MYH11: variants seen among roughly 807,000 people sequenced by gnomAD.
MYH11 encodes the protein myosin heavy chain 11, also known as myosin-11.
A neutral mutation model predicts 246.6 loss-of-function variants in MYH11; 80 were observed. The observed-to-expected ratio is 0.32, with a 90% CI of 0.27 to 0.39. MYH11 has a LOEUF of 0.39. Among genes scored for constraint, MYH11 ranks in the 10% least tolerant of loss-of-function variants. The pLI is 1.00. For synonymous variants in MYH11, 1,071 were observed against 1,015.5 expected, an observed-to-expected ratio of 1.05 and a Z score of -1.04; for missense variants, 2,158 against 2,546.8, an observed-to-expected ratio of 0.85 and a Z score of 3.29.
chr16:15,732,924 G>C, intron 26 of MYH11: 1 of 605,170 alleles, frequency 1.7e-6, no homozygotes, highest in Non-Finnish European at 2.9e-6. Flanking sequence ...TAGGACATCT[G>C]TAATGACTGG....
chr16:15,842,256 T>C (rs979244628), intron 1 of MYH11, among the ~76,000 whole-genome samples: 2 of 151,948 alleles, frequency 1.3e-5, no homozygotes, highest in African/African-American at 4.8e-5. Flanking sequence ...CGTGGTAGCA[T>C]GCGCCTACAA....
At chr16:15,856,454 C>T (rs2044474259) in intron 1 of MYH11, among the ~76,000 whole-genome samples, 1 of 152,022 alleles carries the variant, frequency 6.6e-6, no homozygotes, top group Non-Finnish European at 1.5e-5. Flanking sequence ...CCTCACTTTG[C>T]CCTTCTGTGT....
rs956014647 is a variant in MYH11 at position 15,759,746 on chromosome 16, G to A, written c.1249-18C>T. 6.2e-7 allele frequency: 1 copy of A among 1,613,708 alleles called. No individual in the cohort carries two copies. Among genetic ancestry groups the A allele is most frequent in the Non-Finnish European group, 8.5e-7 (1 of 1,179,998 alleles). ...AAGTCAGCCTGCAGAGGGCAACCAG[G>A]GGAACCCGGTTATTCTCAATGGGCT... On this transcript the variant is annotated intron_variant, in intron 11 of 40. Transcript: ENST00000300036.
intron 3 of MYH11, among the ~76,000 whole-genome samples, chr16:15,803,340 G>C (rs1313309554): frequency 6.7e-6 from 1 of 149,706 alleles, no homozygotes; most frequent in Non-Finnish European, 1.5e-5. Context: ...GCAGTGGCTC[G>C]ATCTTGGCTC....
intron 3 of MYH11, among the ~76,000 whole-genome samples, chr16:15,802,946 G>T (rs936519550): frequency 1.3e-5 from 2 of 152,046 alleles, no homozygotes. Context: ...AGACCAGCCT[G>T]GGCAACATGG....
At chr16:15,790,884 T>C (rs1238678163) in intron 4 of MYH11, 1 of 152,162 alleles carries the variant, frequency 6.6e-6, no homozygotes, top group African/African-American at 2.4e-5. Context: ...CACCCTGTGC[T>C]TCATACTCTA....
intron 3 of MYH11, among the ~76,000 whole-genome samples, chr16:15,802,821 T>C (rs1596866197): frequency 6.6e-6 from 1 of 152,230 alleles, no homozygotes; most frequent in South Asian, 2.1e-4. Flanking sequence ...TCATCCTGGC[T>C]TGGAGTGAGA....
intron 3 of MYH11, among the ~76,000 whole-genome samples, chr16:15,817,846 C>G (rs2043300874): frequency 6.6e-6 from 1 of 152,164 alleles, no homozygotes; most frequent in African/African-American, 2.4e-5. Flanking sequence ...CATCCCTGCC[C>G]CCTTCTCTCA....
chr16:15,844,025 A>G (rs140342246), intron 1 of MYH11, among the ~76,000 whole-genome samples: 88 of 152,264 alleles, frequency 5.8e-4, no homozygotes, highest in African/African-American at 2.1e-3. Flanking sequence ...AGCTGACTAG[A>G]CATTATAAAC....
intron 1 of MYH11, among the ~76,000 whole-genome samples, chr16:15,848,994 G>A (rs182712382): frequency 1.3e-5 from 2 of 152,308 alleles, no homozygotes; most frequent in Admixed American, 6.5e-5. Flanking sequence ...TCCAAGGGCT[G>A]AAAGGACATC....
At chr16:15,721,671 T>A in intron 31 of MYH11, 37 bp from the exon 32 acceptor site, 1 of 1,609,304 alleles carries the variant, frequency 6.2e-7, no homozygotes, top group Non-Finnish European at 8.5e-7. Context: ...TCTAGGCATA[T>A]CCGGGGTCAG....
chr16:15,730,369 TAAAA>T (rs746923275), intron 27 of MYH11, among the ~76,000 whole-genome samples: 1,071 of 97,208 alleles, frequency 0.011, 14 homozygotes, highest in African/African-American at 0.035. Flanking sequence ...CCATCTCTAC[TAAAA>T]AAAAAAAAAA....
At chr16:15,774,130 T>C (rs1569301) in intron 8 of MYH11, among the ~76,000 whole-genome samples, 101,946 of 152,110 alleles carry the variant, frequency 0.67, 34,129 homozygotes, top group South Asian at 0.72. Context: ...TTAAATTGAC[T>C]GAAGGCACCA....
At chr16:15,741,182 A>C (rs955919731) in intron 22 of MYH11, 3 of 581,240 alleles carry the variant, frequency 5.2e-6, no homozygotes, top group African/African-American at 3.7e-5. Flanking sequence ...ATGTTTTGTT[A>C]TGTAGCAATA....
intron 9 of MYH11, among the ~76,000 whole-genome samples, chr16:15,767,025 C>T (rs141946907): frequency 5.9e-5 from 9 of 152,148 alleles, no homozygotes; most frequent in African/African-American, 1.7e-4. Context: ...ATCCTAGTTC[C>T]GGGTCCAGAT....
intron 31 of MYH11, among the ~76,000 whole-genome samples, chr16:15,722,775 C>T (rs1000129877): frequency 3.7e-4 from 56 of 152,192 alleles, no homozygotes; most frequent in African/African-American, 1.3e-3. Context: ...GGTTTTCACT[C>T]CATCACTCAG....
chr16:15,732,052 C>T lies in MYH11; in HGVS notation c.3651+512G>A, dbSNP rs151014519. ...TCTCTGCTCACTGCAACCTCTGCCTCCTGGGTTCAAGTGATTCTCCTGCCT... is the reference window on the plus strand; with the variant it reads ...TCTCTGCTCACTGCAACCTCTGCCTTCTGGGTTCAAGTGATTCTCCTGCCT... On this transcript the variant is annotated intron_variant, in intron 27 of 40. Transcript: ENST00000300036. Among the ~76,000 whole-genome samples the T allele has an allele frequency of 8.8e-3, 1,339 of 152,226 alleles. 19 individuals are homozygous for T. Among genetic ancestry groups the T allele is most frequent in the African/African-American group, 0.031 (1,301 of 41,528 alleles).
chr16:15,823,438 C>T (rs1299664015), intron 2 of MYH11, 27 bp from the exon 3 acceptor site: 1 of 1,614,136 alleles, frequency 6.2e-7, no homozygotes, highest in Non-Finnish European at 8.5e-7. Flanking sequence ...CAGCTTACTT[C>T]CAGACCTCCT....
At chr16:15,767,705 C>A (rs1040687414) in intron 9 of MYH11, among the ~76,000 whole-genome samples, 9 of 152,010 alleles carry the variant, frequency 5.9e-5, no homozygotes, top group Non-Finnish European at 1.3e-4. Flanking sequence ...CTTGGATTAA[C>A]CTGGTGGGCC....
Sources: gnomAD v4.1 joint callset for allele counts (sites outside exome capture counted in the v4.1 genomes callset) on GRCh38, gnomAD v4.1.1 for gene constraint, MANE v1.5 for transcripts, NCBI Gene and HGNC (gene_info 2026-07-23, HGNC 2026-07-21) for gene names.